Variants in FGR observed in about 807,000 individuals in gnomAD.
FGR encodes the protein tyrosine-protein kinase Fgr.
Under a neutral mutation model 63.2 loss-of-function variants are expected in FGR, and 26 were observed. The observed-to-expected ratio is 0.41, with a 90% confidence interval of 0.30 to 0.57. The LOEUF (loss-of-function observed/expected upper bound fraction) is 0.57, where lower values mean the gene tolerates loss of function less well. Among genes scored for constraint, FGR ranks in the 20% least tolerant of loss-of-function variants. The pLI is 0.27. For missense variants in FGR, 511 were observed against 690.8 expected, an observed-to-expected ratio of 0.74 and a Z score of 2.92; for synonymous variants, 286 against 277.7, an observed-to-expected ratio of 1.03 and a Z score of -0.30.
In FGR at chr1:27,616,797, T is replaced by C. The variant is rs761069; in HGVS notation, c.682+60A>G. 0.041 allele frequency: 63,946 copies of C among 1,575,388 alleles called. 9,891 individuals are homozygous for C. In the African/African-American group the frequency reaches 0.5, roughly 12 times the overall value. On this transcript the variant is annotated intron_variant, in intron 7 of 12. Transcript: ENST00000374005. This position sits in a 1 kb window ranked among gnomAD's most constrained non-coding sequence, Gnocchi z 4.3. ...TCCCTTCCCTTCTCTGGGCCTCAGT[T>C]CCCCCATCTGGACAATGCTTCAGTT...
chr1:27,624,079 G>T, intron 2 of FGR, 150 bp from the exon 3 acceptor site: 1 of 623,454 alleles, frequency 1.6e-6, no homozygotes, highest in Non-Finnish European at 2.8e-6. Flanking sequence ...GGATAAAGGC[G>T]GAACTGGGCC....
chr1:27,612,126 A>G lies in FGR; in HGVS notation c.*788T>C, dbSNP rs1380210112. 1 of 152,232 alleles carries G rather than the reference A, an allele frequency of 6.6e-6. No homozygotes were observed. Among genetic ancestry groups the G allele is most frequent in the Non-Finnish European group, 1.5e-5 (1 of 68,050 alleles). The allele number at this position is 152,232 out of a possible 1,614,324, so 9.4% of individuals were successfully genotyped here. On this transcript the variant is annotated 3_prime_UTR_variant, in exon 13 of 13. Coordinates refer to ENST00000374005, the MANE Select transcript of FGR (RefSeq NM_005248.3). ...GCTTGTCTTCTAAACTCACGTGCAGATGAGCAGTGGGACTCTGGGTGTTCT... is the reference window on the plus strand; with the variant it reads ...GCTTGTCTTCTAAACTCACGTGCAGGTGAGCAGTGGGACTCTGGGTGTTCT...
intron 1 of FGR, among the ~76,000 whole-genome samples, chr1:27,625,594 T>G (rs1266395360): frequency 6.6e-6 from 1 of 152,150 alleles, no homozygotes; most frequent in Non-Finnish European, 1.5e-5. Context: ...TAACAGGATT[T>G]CTATCAAGCC....
intron 2 of FGR, 143 bp downstream of exon 2, chr1:27,624,946 A>G (rs2089995182): frequency 6.6e-6 from 1 of 152,536 alleles, no homozygotes; most frequent in Non-Finnish European, 1.5e-5. Flanking sequence ...CAGCCTCTCA[A>G]GCTGCCTCAT....
intron 4 of FGR, among the ~76,000 whole-genome samples, chr1:27,622,690 G>C (rs1187610349): frequency 6.6e-6 from 1 of 152,118 alleles, no homozygotes; most frequent in Non-Finnish European, 1.5e-5. Context: ...ATTTTTAATA[G>C]AGACAGGGTT....
chr1:27,627,724 T>G (rs2090044266), intron 1 of FGR, among the ~76,000 whole-genome samples: 1 of 152,164 alleles, frequency 6.6e-6, no homozygotes, highest in African/African-American at 2.4e-5. Flanking sequence ...TTCTCTTGCC[T>G]CAGCCTCCTG....
At chr1:27,629,231 A>G (rs1047564264) in intron 1 of FGR, among the ~76,000 whole-genome samples, 2 of 152,138 alleles carry the variant, frequency 1.3e-5, no homozygotes, top group Admixed American at 6.5e-5. Context: ...AAAAGAAAAG[A>G]AAAAGCCCTG....
intron 5 of FGR, 100 bp downstream of exon 5, chr1:27,621,459 C>T (rs1571392431): frequency 1.3e-6 from 1 of 779,320 alleles, no homozygotes; most frequent in East Asian, 2.5e-5. Flanking sequence ...GATAAGGAGA[C>T]AGGCTCGGAC....
intron 5 of FGR, among the ~76,000 whole-genome samples, chr1:27,618,836 C>T (rs1001012717): frequency 3.3e-5 from 5 of 152,198 alleles, no homozygotes; most frequent in African/African-American, 9.6e-5. Flanking sequence ...TGTATCTTCT[C>T]GCCTTCCCTT....
Position 27,613,202 on chromosome 1 carries a change from C to A in FGR, c.1381+17G>T, listed in dbSNP as rs1346814229. The A allele has an allele frequency of 2.5e-6, 4 of 1,612,108 alleles. No homozygotes were observed. The highest frequency in any genetic ancestry group is 2.2e-5 in the East Asian group (1 of 44,812). The stretch of plus-strand genomic sequence containing the variant: ...GTGACCATCCCCCACCCCAGCCCTA[C>A]CCCTGGCGAGGCAAACCTGGGTAGG... On this transcript the variant is annotated intron_variant, in intron 12 of 12. Transcript: ENST00000374005.
chr1:27,617,267 T>C lies in FGR; in HGVS notation c.458A>G (p.Asp153Gly). 1 of 1,614,156 alleles carries C rather than the reference T, an allele frequency of 6.2e-7. No individual in the cohort carries two copies. Among genetic ancestry groups the C allele is most frequent in the Non-Finnish European group, 8.5e-7 (1 of 1,179,994 alleles). The stretch of plus-strand genomic sequence containing the variant: ...TGGTGAAAGCAGCTGCCTCTCTGCA[T>C]CCTTTCTCCCAATCTTTCCAAAGTA... ...EWYFGKIGRK[D>G]AERQLLSPGN... Residue 153 changes from aspartate to glycine, a missense_variant, in exon 6 of 13, where the codon GAT becomes GGT. Physicochemically the swap from Asp to Gly is moderately conservative, Grantham distance 94 (BLOSUM62 -1). Coordinates refer to ENST00000374005, the MANE Select transcript of FGR (RefSeq NM_005248.3). The surrounding 1 kb of genome is among the most constrained non-coding windows in gnomAD (Gnocchi z 4.5).
chr1:27,622,340 T>C (rs1388840457), intron 4 of FGR, among the ~76,000 whole-genome samples: 2 of 150,552 alleles, frequency 1.3e-5, no homozygotes, highest in East Asian at 2.0e-4. Context: ...CCTACCTCTC[T>C]AGCCTCTGTT....
chr1:27,615,388 C>G lies in FGR; in HGVS notation c.1018+46G>C. 1 of 1,572,308 alleles carries G rather than the reference C, an allele frequency of 6.4e-7. No homozygotes were observed. Among genetic ancestry groups the G allele is most frequent in the Non-Finnish European group, 8.7e-7 (1 of 1,152,500 alleles). ...AGGTCCCACGCCTGAAAACTCCCCTCTTAACTTCACCCCGAATCCCGCCCG... is the reference window on the plus strand; with the variant it reads ...AGGTCCCACGCCTGAAAACTCCCCTGTTAACTTCACCCCGAATCCCGCCCG... On this transcript the variant is annotated intron_variant, in intron 9 of 12. Coordinates refer to ENST00000374005, the MANE Select transcript of FGR (RefSeq NM_005248.3). This position sits in a 1 kb window ranked among gnomAD's most constrained non-coding sequence, Gnocchi z 7.6.
At chr1:27,633,111 C>T (rs559797934) in intron 1 of FGR, among the ~76,000 whole-genome samples, 41 of 152,228 alleles carry the variant, frequency 2.7e-4, no homozygotes, top group South Asian at 2.1e-4. Context: ...AGAGCACCTA[C>T]TCACTGGAAC....
intron 1 of FGR, among the ~76,000 whole-genome samples, chr1:27,633,451 C>T (rs2090134716): frequency 6.6e-6 from 1 of 152,230 alleles, no homozygotes; most frequent in Non-Finnish European, 1.5e-5. Context: ...TTTAACTCTG[C>T]TGACCTCCCC....
intron 2 of FGR, 116 bp from the exon 3 acceptor site, chr1:27,624,045 C>T: frequency 1.2e-6 from 1 of 864,564 alleles, no homozygotes; most frequent in Non-Finnish European, 1.7e-6. Flanking sequence ...CCTCTTGGGC[C>T]TAGATTGGGG....
chr1:27,617,210 T>G lies in FGR; in HGVS notation c.515A>C (p.Glu172Ala), dbSNP rs371101270. Residue 172 changes from glutamate to alanine, a missense_variant, in exon 6 of 13, where the codon GAA becomes GCA. Glu to Ala is a moderately radical substitution (Grantham distance 107, BLOSUM62 -1). Transcript: ENST00000374005. This position sits in a 1 kb window ranked among gnomAD's most constrained non-coding sequence, Gnocchi z 4.5. ...GNPQGAFLIR[E>A]SETTKGAYSL... is the part of the protein sequence containing the mutation. ...ACCCCTACCTTTGGTGGTCTCGCTT[T>G]CCCGAATGAGAAAGGCCCCCTGGGG... is the stretch of plus-strand genomic sequence containing the variant. 6.2e-7 allele frequency: 1 copy of G among 1,613,996 alleles called. No individual in the cohort carries two copies. Among genetic ancestry groups the G allele is most frequent in the African/African-American group, 1.3e-5 (1 of 74,926 alleles).
Position 27,628,187 on chromosome 1 carries a change from A to C in FGR, c.-76-3036T>G, listed in dbSNP as rs2090052513. Among the ~76,000 whole-genome samples, 3 of 142,440 alleles carry C rather than the reference A, an allele frequency of 2.1e-5. 1 individual carries two copies. The highest frequency in any genetic ancestry group is 3.0e-5 in the Non-Finnish European group (2 of 67,316). 93.4% of individuals were successfully genotyped at this position (142,440 alleles called of 152,430 possible). A position where few individuals can be genotyped will look rare whatever the true frequency, so the allele number is the denominator to read the frequency against. ...GCTCTGTCTCAAAAAAAAAAAAAAC[A>C]AAAAAAAACCAAAAAAACTCCAAAA... On this transcript the variant is annotated intron_variant, in intron 1 of 12. Coordinates refer to ENST00000374005, the MANE Select transcript of FGR (RefSeq NM_005248.3).
Position 27,615,322 on chromosome 1 carries a change from G to A in FGR, c.1018+112C>T. 1 of 1,256,614 alleles carries A rather than the reference G, an allele frequency of 8.0e-7. No individual in the cohort carries two copies. The highest frequency in any genetic ancestry group is 1.3e-5 in the South Asian group (1 of 74,506). The allele number at this position is 1,256,614 out of a possible 1,614,324, so 77.8% of individuals were successfully genotyped here. On this transcript the variant is annotated intron_variant, in intron 9 of 12. Transcript: ENST00000374005. The surrounding 1 kb of genome is among the most constrained non-coding windows in gnomAD (Gnocchi z 7.6). The stretch of plus-strand genomic sequence containing the variant: ...TTTTACACACCTGGTCCCTTAGTGG[G>A]ACTCTGCCCATTGTCCCTTGTCCCT...
Sources: gnomAD v4.1 joint callset for allele counts (sites outside exome capture counted in the v4.1 genomes callset) on GRCh38, gnomAD v4.1.1 for gene constraint, Gnocchi (gnomAD v3.1) non-coding constraint, MANE v1.5 for transcripts, NCBI Gene and HGNC (gene_info 2026-07-23, HGNC 2026-07-21) for gene names.